Variants in TRIM22 observed in about 807,000 individuals in gnomAD.
TRIM22 encodes the protein E3 ubiquitin-protein ligase TRIM22.
TRIM22 carries 45 observed loss-of-function variants against 53.6 expected under a neutral mutation model. That is an observed-to-expected ratio of 0.84 (90% CI 0.66 to 1.08). TRIM22 has a LOEUF of 1.08. Ranked by LOEUF, TRIM22 falls within the 50% of genes least tolerant of loss-of-function variation. The pLI, the probability that TRIM22 is intolerant of heterozygous loss-of-function variation, is 0.00. For missense variants in TRIM22, 616 were observed against 590.9 expected (o/e 1.04, Z -0.44); for synonymous variants, 225 against 216.6 (o/e 1.04, Z -0.34).
intron 4 of TRIM22, among the ~76,000 whole-genome samples, chr11:5,699,949 G>C (rs994937157): frequency 2.0e-5 from 3 of 151,558 alleles, no homozygotes; most frequent in Admixed American, 2.0e-4. Flanking sequence ...ACATAGAAAG[G>C]AAACTGACTT....
In TRIM22 at chr11:5,699,475, G is replaced by A. The variant is rs890941610; in HGVS notation, c.750+930G>A. On this transcript the variant is annotated intron_variant, in intron 4 of 7. Transcript: ENST00000379965. Reference sequence around the variant, plus strand: ...GGAAGCGGAGCTTGCAATGAACCGAGATTGCGCCACTGCAGTCCGCAGTCC... The same window carrying A: ...GGAAGCGGAGCTTGCAATGAACCGAAATTGCGCCACTGCAGTCCGCAGTCC... Among the ~76,000 whole-genome samples the A allele has an allele frequency of 9.1e-5, 10 of 109,324 alleles. 1 individual carries two copies. The highest frequency in any genetic ancestry group is 2.7e-4 in the East Asian group (1 of 3,724). The allele number at this position is 109,324 out of a possible 152,430, so 71.7% of individuals were successfully genotyped here. A position where few individuals can be genotyped will look rare whatever the true frequency, so the allele number is the denominator to read the frequency against.
At chr11:5,693,180 C>T (rs1348666098) in intron 1 of TRIM22, among the ~76,000 whole-genome samples, 2 of 139,296 alleles carry the variant, frequency 1.4e-5, no homozygotes, top group African/African-American at 5.2e-5. Flanking sequence ...AGCCACAGCG[C>T]CTGGCCATCT....
At chr11:5,700,682 T>C (rs554722902) in intron 4 of TRIM22, among the ~76,000 whole-genome samples, 1 of 141,786 alleles carries the variant, frequency 7.1e-6, no homozygotes, top group South Asian at 2.5e-4. Context: ...TCACCCAGAC[T>C]GGAGTGCAGT....
intron 5 of TRIM22, 82 bp downstream of exon 5, chr11:5,706,698 A>G (rs1853461755): frequency 2.5e-5 from 34 of 1,371,584 alleles, no homozygotes; most frequent in Non-Finnish European, 3.4e-5. Flanking sequence ...CAATCAGAAC[A>G]ACTTAAAAAA....
In TRIM22 at chr11:5,696,459, A is replaced by G; in HGVS notation, c.227A>G (p.Asn76Ser). The G allele has an allele frequency of 1.9e-6, 3 of 1,614,280 alleles. No homozygotes were observed. The highest frequency in any genetic ancestry group is 2.5e-6 in the Non-Finnish European group (3 of 1,180,056). Residue 76 changes from asparagine (N) to serine (S), a missense_variant, in exon 2 of 8, where the codon AAC (asparagine) becomes AGC (serine). Coordinates refer to ENST00000379965, the MANE Select transcript of TRIM22 (RefSeq NM_006074.5). The stretch of plus-strand genomic sequence containing the variant: ...CTCCGACCTAATCGGCATCTGGCCA[A>G]CATAGTTGAGAGAGTCAAAGAGGTC... The part of the protein sequence containing the change: ...GNLRPNRHLA[N>S]IVERVKEVKM...
At chr11:5,692,428 T>C (rs7112085) in intron 1 of TRIM22, among the ~76,000 whole-genome samples, 49,217 of 152,100 alleles carry the variant, frequency 0.32, 8,025 homozygotes, top group South Asian at 0.43. Flanking sequence ...AAATGACTTA[T>C]CTGAAACATA....
At chr11:5,692,076 AAG>A (rs1297572540) in intron 1 of TRIM22, among the ~76,000 whole-genome samples, 5 of 152,368 alleles carry the variant, frequency 3.3e-5, no homozygotes, top group Non-Finnish European at 7.4e-5. Context: ...AAATACCGGT[AAG>A]AGATTATGCT....
chr11:5,706,837 G>C (rs144830918), intron 5 of TRIM22, among the ~76,000 whole-genome samples: 1 of 152,176 alleles, frequency 6.6e-6, no homozygotes, highest in Non-Finnish European at 1.5e-5. Context: ...TTAGGAATAA[G>C]AGTTTGCAAT....
intron 4 of TRIM22, among the ~76,000 whole-genome samples, chr11:5,705,394 T>A (rs953079665): frequency 6.6e-6 from 1 of 152,182 alleles, no homozygotes; most frequent in African/African-American, 2.4e-5. Context: ...AAAAACCAGA[T>A]TCTGATGGCA....
chr11:5,694,373 T>C (rs1173178479), intron 1 of TRIM22, among the ~76,000 whole-genome samples: 1 of 152,232 alleles, frequency 6.6e-6, no homozygotes, highest in African/African-American at 2.4e-5. Context: ...CATCTTTAGG[T>C]TCCTATCACC....
Position 5,709,626 on chromosome 11 carries a change from C to G in TRIM22, c.1475C>G (p.Thr492Ser). 1 of 1,606,100 alleles carries G rather than the reference C, an allele frequency of 6.2e-7. No homozygotes were observed. The highest frequency in any genetic ancestry group is 8.5e-7 in the Non-Finnish European group (1 of 1,178,892). The change falls in exon 8 of 8, where the codon ACT (threonine) becomes AGT (serine). Residue 492 changes from threonine to serine, a missense_variant. Thr to Ser is a moderately conservative substitution (Grantham distance 58, BLOSUM62 1). Coordinates refer to ENST00000379965, the MANE Select transcript of TRIM22 (RefSeq NM_006074.5). ...FNPWNCLVPM[T>S]VCPPSS Reference sequence around the variant, plus strand: ...CCTTGGAACTGCCTAGTCCCCATGACTGTGTGCCCACCGAGCTCCTGAGTG... The same window carrying G: ...CCTTGGAACTGCCTAGTCCCCATGAGTGTGTGCCCACCGAGCTCCTGAGTG...
In TRIM22 at chr11:5,692,000, T is replaced by C. The variant is rs1485189748; in HGVS notation, c.-67+2101T>C. ...TGACTAAATTCACAAAACAAAAGCA[T>C]ACAGGTATAGTAAAAAAACAAAAAC... is the stretch of plus-strand genomic sequence containing the variant. On this transcript the variant is annotated intron_variant, in intron 1 of 7. Transcript: ENST00000379965. Among the ~76,000 whole-genome samples, 3 of 152,100 alleles carry C rather than the reference T, an allele frequency of 2.0e-5. No individual in the cohort carries two copies. The East Asian group carries it at 5.8e-4, about 29-fold the overall frequency.
At chr11:5,693,622 T>C (rs972426088) in intron 1 of TRIM22, among the ~76,000 whole-genome samples, 1 of 144,262 alleles carries the variant, frequency 6.9e-6, no homozygotes, top group African/African-American at 2.6e-5. Context: ...ACTTGGAGGC[T>C]GAGGCAGGAG....
chr11:5,693,189 C>CTTTTTTTTTTTTT (rs55820335), intron 1 of TRIM22, among the ~76,000 whole-genome samples: 2 of 125,620 alleles, frequency 1.6e-5, no homozygotes, highest in African/African-American at 2.9e-5. Flanking sequence ...GCCTGGCCAT[C>CTTTTTTTTTTTTT]TTTTTTTTTT....
At chr11:5,698,181 G>A (rs1853300700) in intron 3 of TRIM22, 134 bp from the exon 4 acceptor site, 2 of 686,086 alleles carry the variant, frequency 2.9e-6, no homozygotes, top group Admixed American at 2.8e-5. Flanking sequence ...ACCAGAAATT[G>A]TGTATTGGCT....
intron 4 of TRIM22, among the ~76,000 whole-genome samples, chr11:5,701,905 C>A (rs1036373058): frequency 2.0e-5 from 3 of 152,010 alleles, no homozygotes; most frequent in Non-Finnish European, 4.4e-5. Flanking sequence ...AAAACGCCTA[C>A]CATTTTTCAC....
intron 1 of TRIM22, among the ~76,000 whole-genome samples, chr11:5,690,440 G>A (rs992327283): frequency 3.3e-5 from 5 of 152,132 alleles, no homozygotes; most frequent in African/African-American, 4.8e-5. Flanking sequence ...AGGTGGGCAC[G>A]TGAGGGAGAG....
chr11:5,698,592 A>AT, intron 4 of TRIM22, 47 bp downstream of exon 4: 1 of 1,475,908 alleles, frequency 6.8e-7, no homozygotes, highest in South Asian at 1.2e-5. Flanking sequence ...GGGGAAAAAC[A>AT]CAGAGGCCGA....
Position 5,709,051 on chromosome 11 carries a change from A to G in TRIM22, c.902-2A>G. The G allele has an allele frequency of 6.2e-7, 1 of 1,609,414 alleles. No individual in the cohort carries two copies. Among genetic ancestry groups the G allele is most frequent in the Non-Finnish European group, 8.5e-7 (1 of 1,176,178 alleles). On this transcript the variant is annotated splice_acceptor_variant, in intron 7 of 7. Transcript: ENST00000379965. LOFTEE classifies it high-confidence loss of function. ...CACTTGACTTGGTAATTTTTTCTAC[A>G]GTGGACGTGATGCTGAATCCAGGCA...
Sources: gnomAD v4.1 joint callset for allele counts (sites outside exome capture counted in the v4.1 genomes callset) on GRCh38, gnomAD v4.1.1 for gene constraint, MANE v1.5 for transcripts, NCBI Gene and HGNC (gene_info 2026-07-23, HGNC 2026-07-21) for gene names.